Variants in PIP4K2A observed in about 807,000 individuals in gnomAD.
The protein encoded by PIP4K2A is phosphatidylinositol 5-phosphate 4-kinase type-2 alpha.
PIP4K2A carries 14 observed loss-of-function variants against 42.9 expected under a neutral mutation model. That is an observed-to-expected ratio of 0.33 (90% CI 0.22 to 0.51). PIP4K2A has a LOEUF of 0.51. PIP4K2A is among the 20% of genes least tolerant of loss of function. The pLI is 0.97. For missense variants in PIP4K2A, 434 were observed against 519.8 expected (o/e 0.83, Z 1.61); for synonymous variants, 192 against 192.2 (o/e 1.00, Z 0.01).
chr10:22,622,211 G>A (rs1838346603), intron 1 of PIP4K2A, among the ~76,000 whole-genome samples: 1 of 152,230 alleles, frequency 6.6e-6, no homozygotes, highest in African/African-American at 2.4e-5. Context: ...CAGAAGAGGA[G>A]ACAAAGCTGC....
chr10:22,674,466 T>G (rs569634300), intron 1 of PIP4K2A, among the ~76,000 whole-genome samples: 15 of 144,828 alleles, frequency 1.0e-4, no homozygotes, highest in Non-Finnish European at 2.1e-4. Context: ...TTTCTCCTAC[T>G]CAAAGTTAAT....
At chr10:22,687,229 G>A (rs565509170) in intron 1 of PIP4K2A, among the ~76,000 whole-genome samples, 2 of 151,534 alleles carry the variant, frequency 1.3e-5, no homozygotes, top group Non-Finnish European at 2.9e-5. Flanking sequence ...GCCACAACAC[G>A]AAGTGACCTG....
Position 22,602,415 on chromosome 10 carries a change from AAAG to A in PIP4K2A, c.339+5509_339+5511del, listed in dbSNP as rs554434018. Among the ~76,000 whole-genome samples, 267 of 151,914 alleles carry A rather than the reference AAAG, an allele frequency of 1.8e-3. 1 individual carries two copies. The highest frequency in any genetic ancestry group is 6.3e-3 in the African/African-American group (260 of 41,478). ...TCTATAAAAAAAAAAAAAGAAAAGA[AAAG>A]AAAAGAAAGAAAGAAAAAGAAAAAA... On this transcript the variant is annotated intron_variant, in intron 3 of 9. Coordinates refer to ENST00000376573, the MANE Select transcript of PIP4K2A (RefSeq NM_005028.5).
chr10:22,643,407 T>C (rs1048305983), intron 1 of PIP4K2A, among the ~76,000 whole-genome samples: 1 of 152,194 alleles, frequency 6.6e-6, no homozygotes, highest in African/African-American at 2.4e-5. Flanking sequence ...ATACTTACTG[T>C]CTTTTTGCAG....
rs1835945736 is a variant in PIP4K2A at position 22,536,892 on chromosome 10, C to T, written c.*309G>A. The T allele has an allele frequency of 3.8e-6, 1 of 263,292 alleles. No individual in the cohort carries two copies. Among genetic ancestry groups the T allele is most frequent in the Non-Finnish European group, 7.2e-6 (1 of 138,338 alleles). 16.3% of individuals were successfully genotyped at this position (263,292 alleles called of 1,614,324 possible). ...CAAAGGGTCTTTGTTGGGACACATA[C>T]TGACCGAAGTGGATCTGTTTTAATT... is the stretch of plus-strand genomic sequence containing the variant. On this transcript the variant is annotated 3_prime_UTR_variant, in exon 10 of 10. Coordinates refer to ENST00000376573, the MANE Select transcript of PIP4K2A (RefSeq NM_005028.5).
At chr10:22,697,305 C>T (rs1839991814) in intron 1 of PIP4K2A, among the ~76,000 whole-genome samples, 1 of 152,234 alleles carries the variant, frequency 6.6e-6, no homozygotes, top group African/African-American at 2.4e-5. Flanking sequence ...TTTGTGAGGT[C>T]AGCACAAGTG....
intron 1 of PIP4K2A, among the ~76,000 whole-genome samples, chr10:22,685,816 C>T (rs899785699): frequency 1.3e-5 from 2 of 152,172 alleles, no homozygotes; most frequent in East Asian, 1.9e-4. Context: ...TGGTGCCATG[C>T]CCCTCACAGC....
At chr10:22,698,896 G>A (rs1833651258) in intron 1 of PIP4K2A, among the ~76,000 whole-genome samples, 1 of 152,096 alleles carries the variant, frequency 6.6e-6, no homozygotes, top group African/African-American at 2.4e-5. Context: ...AAATTTCACT[G>A]AAACCATATT....
At chr10:22,606,145 C>CAAA (rs5783802) in intron 3 of PIP4K2A, among the ~76,000 whole-genome samples, 4 of 140,528 alleles carry the variant, frequency 2.8e-5, no homozygotes, top group East Asian at 4.2e-4. Context: ...CAATCTCTAC[C>CAAA]AAAAAAAAAA....
At chr10:22,613,337 C>T (rs901153464) in intron 1 of PIP4K2A, among the ~76,000 whole-genome samples, 18 of 151,876 alleles carry the variant, frequency 1.2e-4, no homozygotes, top group South Asian at 1.0e-3. Flanking sequence ...GGATGAGGGA[C>T]AGAGGGAGGA....
At chr10:22,627,438 C>T (rs1393003305) in intron 1 of PIP4K2A, among the ~76,000 whole-genome samples, 1 of 151,980 alleles carries the variant, frequency 6.6e-6, no homozygotes, top group South Asian at 2.1e-4. Context: ...GTGAATAATA[C>T]AGATCTTAAA....
At chr10:22,579,013 G>A (rs1171814414) in intron 4 of PIP4K2A, among the ~76,000 whole-genome samples, 1 of 152,086 alleles carries the variant, frequency 6.6e-6, no homozygotes, top group Non-Finnish European at 1.5e-5. Flanking sequence ...ATGATGAAAG[G>A]GAAGCCCCAG....
At chr10:22,683,452 T>A (rs776285594) in intron 1 of PIP4K2A, among the ~76,000 whole-genome samples, 1 of 152,178 alleles carries the variant, frequency 6.6e-6, no homozygotes, top group Non-Finnish European at 1.5e-5. Flanking sequence ...CAGTGTGGAC[T>A]TAGCCGAGTC....
intron 4 of PIP4K2A, among the ~76,000 whole-genome samples, chr10:22,581,010 G>C (rs1315171094): frequency 6.6e-6 from 1 of 152,226 alleles, no homozygotes; most frequent in Non-Finnish European, 1.5e-5. Flanking sequence ...ACCAAACACT[G>C]AACAATGCTG....
Position 22,541,928 on chromosome 10 carries a change from G to C in PIP4K2A, c.912C>G (p.Ser304Arg). The C allele has an allele frequency of 6.2e-7, 1 of 1,613,998 alleles. No individual in the cohort carries two copies. Among genetic ancestry groups the C allele is most frequent in the Non-Finnish European group, 8.5e-7 (1 of 1,179,954 alleles). ...EENDGEEEGE[S>R]DGTHPVGTPP... is the part of the protein sequence containing the mutation. The stretch of plus-strand genomic sequence containing the variant: ...GGGTTCCCACCGGGTGGGTGCCATC[G>C]CTCTCGCCCTCCTCCTCCCCATCGT... The change falls in exon 8 of 10, where the codon AGC becomes AGG. Residue 304 changes from serine to arginine, a missense_variant. Ser to Arg is a moderately radical substitution (Grantham distance 110, BLOSUM62 -1). Around this residue, in one of 2 missense-constraint regions of PIP4K2A, gnomAD observed 395 missense variants for 444.5 expected, o/e 0.89. Transcript: ENST00000376573.
At chr10:22,551,233 T>C (rs1246171886) in intron 6 of PIP4K2A, among the ~76,000 whole-genome samples, 3 of 152,182 alleles carry the variant, frequency 2.0e-5, no homozygotes, top group African/African-American at 7.2e-5. Context: ...ACATGTTATC[T>C]TGTCTCAGAA....
chr10:22,594,710 G>A (rs1046983500), intron 3 of PIP4K2A, among the ~76,000 whole-genome samples: 1 of 152,150 alleles, frequency 6.6e-6, no homozygotes, highest in Non-Finnish European at 1.5e-5. Context: ...CAACATATGG[G>A]TTTATAAAGG....
chr10:22,605,927 A>G (rs1454088150), intron 3 of PIP4K2A, among the ~76,000 whole-genome samples: 1 of 152,016 alleles, frequency 6.6e-6, no homozygotes, highest in Non-Finnish European at 1.5e-5. Context: ...AGAATTATTA[A>G]TTTTAACTTC....
intron 1 of PIP4K2A, among the ~76,000 whole-genome samples, chr10:22,675,295 T>A (rs1268883117): frequency 6.6e-6 from 1 of 152,020 alleles, no homozygotes; most frequent in Non-Finnish European, 1.5e-5. Flanking sequence ...CTTAGAACAT[T>A]GTTGAGGAGA....
Sources: gnomAD v4.1 joint callset for allele counts (sites outside exome capture counted in the v4.1 genomes callset) on GRCh38, gnomAD v4.1.1 for gene constraint, gnomAD v4.1.1 regional missense constraint, MANE v1.5 for transcripts, NCBI Gene and HGNC (gene_info 2026-07-23, HGNC 2026-07-21) for gene names.